The following SEMA5B variants were observed in gnomAD, a reference collection of about 807,000 sequenced individuals.
SEMA5B encodes the protein semaphorin 5B, also known as semaphorin-5B.
In SEMA5B, 66 loss-of-function variants were observed where a neutral mutation model predicts 135.0. The observed-to-expected ratio is 0.49, with a 90% CI of 0.40 to 0.60. The LOEUF is 0.60. SEMA5B is among the 20% of genes least tolerant of loss of function. SEMA5B has a pLI of 0.00. For missense variants in SEMA5B, 1,501 were observed against 1,566.3 expected (o/e 0.96, Z 0.70); for synonymous variants, 690 against 639.5 (o/e 1.08, Z -1.19).
rs908665267 is a variant in SEMA5B, at chr3:122,948,568, C to T, written c.266G>A (p.Ser89Asn). 2.5e-6 allele frequency: 4 copies of T among 1,613,788 alleles called. No homozygotes were observed. Among genetic ancestry groups the T allele is most frequent in the Non-Finnish European group, 3.4e-6 (4 of 1,179,816 alleles). The change falls in exon 3 of 23, where the codon AGT (serine) becomes AAT (asparagine). Residue 89 changes from serine (S) to asparagine (N), a missense_variant. Physicochemically the swap from Ser to Asn is conservative, Grantham distance 46 (BLOSUM62 1). Coordinates refer to ENST00000357599, the MANE Select transcript of SEMA5B (RefSeq NM_001031702.4). ...CAGCTGCTGCTCACTGCTGGGCTCA[C>T]TGGAGACATCCTGGGAGCTGGAGAG... ...SHLSSSQDVS[S>N]EPSSEQQLCA... is the part of the protein sequence containing the mutation.
intron 2 of SEMA5B, among the ~76,000 whole-genome samples, chr3:122,956,749 A>G (rs1940332945): frequency 6.6e-6 from 1 of 152,080 alleles, no homozygotes. Flanking sequence ...TCCATTCAGC[A>G]CGAGGATGCA....
At chr3:122,939,044 G>A (rs146439987) in intron 5 of SEMA5B, among the ~76,000 whole-genome samples, 679 of 152,316 alleles carry the variant, frequency 4.5e-3, no homozygotes, top group Non-Finnish European at 6.7e-3. Context: ...CAGGTCTGGG[G>A]ACTTACAATA....
chr3:122,959,507 T>C (rs1940482430), intron 2 of SEMA5B, among the ~76,000 whole-genome samples: 1 of 152,246 alleles, frequency 6.6e-6, no homozygotes, highest in Non-Finnish European at 1.5e-5. Context: ...TATAATCTTC[T>C]GTATTTGTGA....
rs193008221 is a variant in SEMA5B, at chr3:122,910,914, C to A, written c.3223G>T (p.Ala1075Ser). Residue 1075 changes from alanine to serine, a missense_variant, in exon 22 of 23, where the codon GCC (alanine) becomes TCC (serine). By Grantham distance (99) the Ala-to-Ser change is moderately conservative (BLOSUM62 1). This residue lies in a region of SEMA5B where 927 missense variants were observed against 881.6 expected (regional missense o/e 1.05). Coordinates refer to ENST00000357599, the MANE Select transcript of SEMA5B (RefSeq NM_001031702.4). ...QSQESTLVHP[A>S]TPNHLHYKGG... ...TTGTAGTGCAAATGGTTGGGGGTGG[C>A]AGGATGGACCAGTGTGGACTCCTGG... 2.5e-6 allele frequency: 4 copies of A among 1,613,638 alleles called. No individual in the cohort carries two copies. The highest frequency in any genetic ancestry group is 3.4e-6 in the Non-Finnish European group (4 of 1,179,992).
At chr3:122,951,154 T>C (rs1478298443) in intron 2 of SEMA5B, among the ~76,000 whole-genome samples, 1 of 152,136 alleles carries the variant, frequency 6.6e-6, no homozygotes, top group African/African-American at 2.4e-5. Flanking sequence ...CCAGGCTTTC[T>C]GTAGGTTTTG....
intron 1 of SEMA5B, among the ~76,000 whole-genome samples, chr3:122,971,704 G>T (rs919084117): frequency 4.6e-5 from 7 of 152,246 alleles, no homozygotes; most frequent in Non-Finnish European, 8.8e-5. Flanking sequence ...GTGCTGGTGG[G>T]CCTCTGCCCA....
chr3:123,026,432 G>A (rs1942800782), intron 1 of SEMA5B, among the ~76,000 whole-genome samples: 1 of 149,414 alleles, frequency 6.7e-6, no homozygotes. Flanking sequence ...ACTACCCAAA[G>A]ACTGGGCTCG....
chr3:123,019,063 C>T (rs1942620701), intron 1 of SEMA5B, among the ~76,000 whole-genome samples: 1 of 152,114 alleles, frequency 6.6e-6, no homozygotes, highest in African/African-American at 2.4e-5. Context: ...AGAAATGCCC[C>T]TCTTCTGCTG....
rs1261111312 is a variant in SEMA5B at position 122,915,522 on chromosome 3, C to A, written c.1906G>T (p.Ala636Ser). 1 of 1,614,052 alleles carries A rather than the reference C, an allele frequency of 6.2e-7. No individual in the cohort carries two copies. Among genetic ancestry groups the A allele is most frequent in the South Asian group, 1.1e-5 (1 of 91,068 alleles). The part of the protein sequence containing the change: ...GDNSGSCLCR[A>S]RSCDSPRPRC... Reference sequence around the variant, plus strand: ...GGTCGAGGGGAATCACAGGATCGAGCTCGACACAGGCAAGAGCCTGAGTTG... The same window carrying A: ...GGTCGAGGGGAATCACAGGATCGAGATCGACACAGGCAAGAGCCTGAGTTG... Residue 636 changes from alanine to serine, a missense_variant, in exon 14 of 23, where the codon GCT (alanine) becomes TCT (serine). Physicochemically the swap from Ala to Ser is moderately conservative, Grantham distance 99 (BLOSUM62 1). This residue lies in a region of SEMA5B where 927 missense variants were observed against 881.6 expected (regional missense o/e 1.05). Transcript: ENST00000357599.
intron 1 of SEMA5B, among the ~76,000 whole-genome samples, chr3:122,991,181 A>T (rs769605485): frequency 1.3e-5 from 2 of 152,116 alleles, no homozygotes; most frequent in Non-Finnish European, 2.9e-5. Flanking sequence ...AGAGCTAGAG[A>T]TTGGTGGAGG....
At chr3:122,926,180 T>C (rs75377252) in intron 9 of SEMA5B, among the ~76,000 whole-genome samples, 19,514 of 152,214 alleles carry the variant, frequency 0.13, 1,364 homozygotes, top group Middle Eastern at 0.25. Context: ...AAGGCAGATT[T>C]ATTTGCTTTA....
chr3:122,995,652 C>T, intron 1 of SEMA5B, among the ~76,000 whole-genome samples: 1 of 123,508 alleles, frequency 8.1e-6, no homozygotes, highest in Non-Finnish European at 1.5e-5. Context: ...ATGCTCAGGC[C>T]AGCACCTCAT....
At chr3:123,010,994 G>C (rs1199449523) in intron 1 of SEMA5B, among the ~76,000 whole-genome samples, 1 of 152,152 alleles carries the variant, frequency 6.6e-6, no homozygotes. Flanking sequence ...TTTCTGTGAA[G>C]ATGGGGGCAG....
At position 122,999,705 on chromosome 3, in the gene SEMA5B, C is replaced by T. The variant is rs370642286; in HGVS notation, c.-39+27759G>A. The stretch of plus-strand genomic sequence containing the variant: ...AGTCATGCAGACAGGACCAATGGAG[C>T]GGGAGGCTGGCTCCATGAAGACTGC... On this transcript the variant is annotated intron_variant, in intron 1 of 22. Coordinates refer to ENST00000357599, the MANE Select transcript of SEMA5B (RefSeq NM_001031702.4). Among the ~76,000 whole-genome samples the T allele has an allele frequency of 7.9e-5, 12 of 152,268 alleles. No individual in the cohort carries two copies. In the South Asian group the frequency reaches 1.5e-3, roughly 18 times the overall value.
chr3:122,927,983 A>T lies in SEMA5B; in HGVS notation c.657T>A (p.Thr219=). 1 of 1,483,912 alleles carries T rather than the reference A, an allele frequency of 6.7e-7. No individual in the cohort carries two copies. Among genetic ancestry groups the T allele is most frequent in the African/African-American group, 1.4e-5 (1 of 70,076 alleles). The allele number at this position is 1,483,912 out of a possible 1,614,324, so 91.9% of individuals were successfully genotyped here. Residue 219 remains threonine, a synonymous_variant, in exon 8 of 23, where the codon ACT becomes ACA. Transcript: ENST00000357599. The part of the protein sequence containing the change: ...TSRQVGNLSR[T]IEKINGVARC... ...GGGCCACACCATTGATCTTCTCAAT[A>T]GTCCGGCTGAGGTTCCCCACCTGGG... is the stretch of plus-strand genomic sequence containing the variant.
intron 1 of SEMA5B, among the ~76,000 whole-genome samples, chr3:123,006,407 T>C (rs1942311640): frequency 6.6e-6 from 1 of 152,230 alleles, no homozygotes; most frequent in African/African-American, 2.4e-5. Flanking sequence ...TTAGTTACTT[T>C]TTAAAGTCAC....
At chr3:122,949,763 C>T (rs1408899151) in intron 2 of SEMA5B, among the ~76,000 whole-genome samples, 1 of 152,102 alleles carries the variant, frequency 6.6e-6, no homozygotes, top group Non-Finnish European at 1.5e-5. Flanking sequence ...CTGATGCCAC[C>T]CAGACTGATA....
chr3:122,973,550 T>C (rs1282530488), intron 1 of SEMA5B, among the ~76,000 whole-genome samples: 1 of 152,228 alleles, frequency 6.6e-6, no homozygotes, highest in East Asian at 1.9e-4. Context: ...CTGAGGCCAG[T>C]TCATCTGTGA....
intron 1 of SEMA5B, among the ~76,000 whole-genome samples, chr3:122,985,890 A>T (rs957900509): frequency 1.3e-5 from 2 of 152,250 alleles, no homozygotes; most frequent in African/African-American, 4.8e-5. Context: ...ATGTGAAAAG[A>T]GAGAGAAGCT....
Sources: allele counts gnomAD v4.1 joint callset (sites outside exome capture counted in the v4.1 genomes callset), GRCh38; gene constraint gnomAD v4.1.1; regional missense constraint gnomAD v4.1.1; transcripts MANE v1.5; gene names NCBI Gene and HGNC (gene_info 2026-07-23, HGNC 2026-07-21).